Variants in MYO3B observed in about 807,000 individuals in gnomAD.
MYO3B encodes the protein myosin-IIIb.
Under a neutral mutation model 174.6 loss-of-function variants are expected in MYO3B, and 156 were observed. That is an observed-to-expected ratio of 0.89 (90% CI 0.78 to 1.02). MYO3B has a LOEUF of 1.02. MYO3B is among the 50% of genes least tolerant of loss of function. MYO3B has a pLI of 0.00. For synonymous variants in MYO3B, 563 were observed against 569.1 expected (o/e 0.99, Z 0.15); for missense variants, 1,632 against 1,639.4 (o/e 1.00, Z 0.08).
In MYO3B at chr2:170,391,535, T is replaced by C; in HGVS notation, c.1593T>C (p.Phe531=). 1 of 1,507,854 alleles carries C rather than the reference T, an allele frequency of 6.6e-7. No individual in the cohort carries two copies. The highest frequency in any genetic ancestry group is 2.4e-5 in the East Asian group (1 of 41,666). The allele number at this position is 1,507,854 out of a possible 1,614,324, so 93.4% of individuals were successfully genotyped here. ...VIKQAAREKN[F]HIFYYIYAGL... ...TTTTTTTCAGGAGAGAGAAAAATTT[T>C]CATATATTTTACTATATTTATGCTG... is the stretch of plus-strand genomic sequence containing the variant. The change falls in exon 15 of 35, where the codon TTT becomes TTC. Residue 531 remains phenylalanine (F), a synonymous_variant. Transcript: ENST00000408978.
At chr2:170,574,430 A>G (rs1268801155) in intron 32 of MYO3B, among the ~76,000 whole-genome samples, 2 of 152,198 alleles carry the variant, frequency 1.3e-5, no homozygotes, top group Admixed American at 6.5e-5. Flanking sequence ...TGAAAACACT[A>G]CTTTAAAGAG....
At chr2:170,486,927 T>C (rs1253984146) in intron 25 of MYO3B, among the ~76,000 whole-genome samples, 1 of 152,242 alleles carries the variant, frequency 6.6e-6, no homozygotes. Flanking sequence ...CCTTCTCCAC[T>C]TGATGGCAGT....
intron 7 of MYO3B, among the ~76,000 whole-genome samples, chr2:170,329,063 A>G (rs1163357415): frequency 6.6e-6 from 1 of 151,916 alleles, no homozygotes; most frequent in East Asian, 1.9e-4. Flanking sequence ...GAGACAGGAG[A>G]ATCACTTGAA....
At chr2:170,183,863 A>G (rs1467769449) in intron 1 of MYO3B, among the ~76,000 whole-genome samples, 1 of 147,878 alleles carries the variant, frequency 6.8e-6, no homozygotes, top group East Asian at 2.0e-4. Flanking sequence ...GAATTAACCC[A>G]TTTGAATTTT....
intron 7 of MYO3B, among the ~76,000 whole-genome samples, chr2:170,267,710 T>C (rs2093394903): frequency 6.6e-6 from 1 of 152,212 alleles, no homozygotes; most frequent in Non-Finnish European, 1.5e-5. Flanking sequence ...TTTCTTCCTC[T>C]TGATATCTGA....
At chr2:170,598,765 C>G (rs1438288532) in intron 32 of MYO3B, among the ~76,000 whole-genome samples, 1 of 152,144 alleles carries the variant, frequency 6.6e-6, no homozygotes, top group African/African-American at 2.4e-5. Flanking sequence ...TTAAGGGGTC[C>G]TGGGCTTCAG....
At chr2:170,365,264 G>A (rs930089242) in intron 8 of MYO3B, among the ~76,000 whole-genome samples, 1 of 152,180 alleles carries the variant, frequency 6.6e-6, no homozygotes. Flanking sequence ...TCTTAAAAGA[G>A]GGGCTAGAAT....
At chr2:170,525,106 C>T (rs1688920201) in intron 30 of MYO3B, among the ~76,000 whole-genome samples, 2 of 152,146 alleles carry the variant, frequency 1.3e-5, no homozygotes, top group African/African-American at 2.4e-5. Flanking sequence ...ATAACTGTCA[C>T]CCTGTGATTG....
intron 7 of MYO3B, among the ~76,000 whole-genome samples, chr2:170,245,237 TG>T (rs1046908838): frequency 1.3e-5 from 2 of 152,120 alleles, no homozygotes; most frequent in Non-Finnish European, 2.9e-5. Flanking sequence ...TTAAAGGCAA[TG>T]GGGGTCTCTA....
chr2:170,617,315 T>C (rs144009459), intron 32 of MYO3B, among the ~76,000 whole-genome samples: 180 of 152,310 alleles, frequency 1.2e-3, no homozygotes, highest in African/African-American at 4.2e-3. Context: ...GAGCCAAATA[T>C]CTTGTCTGGC....
chr2:170,561,040 T>A (rs1691677352), intron 32 of MYO3B, among the ~76,000 whole-genome samples: 1 of 152,200 alleles, frequency 6.6e-6, no homozygotes, highest in Non-Finnish European at 1.5e-5. Flanking sequence ...TCAACTTGGG[T>A]TGCCATTAAG....
intron 8 of MYO3B, chr2:170,344,684 G>A (rs574048709): frequency 2.0e-5 from 3 of 152,262 alleles, no homozygotes; most frequent in African/African-American, 7.2e-5. Context: ...CTACTTTATA[G>A]TGTGACTGAG....
At position 170,363,864 on chromosome 2, in the gene MYO3B, G is replaced by A. The variant is rs16858235; in HGVS notation, c.816-5358G>A. Among the ~76,000 whole-genome samples, 931 of 152,220 alleles carry A rather than the reference G, an allele frequency of 6.1e-3. 9 individuals carry two copies. Among genetic ancestry groups the A allele is most frequent in the African/African-American group, 0.02 (822 of 41,522 alleles). On this transcript the variant is annotated intron_variant, in intron 8 of 34. Transcript: ENST00000408978. ...TTCTGTTGTTTTGTCTGTTAGCACA[G>A]AGAAAGCATATCTAAATCCTAATTT... is the stretch of plus-strand genomic sequence containing the variant.
chr2:170,393,828 G>T (rs907013878), intron 16 of MYO3B, among the ~76,000 whole-genome samples: 18 of 152,114 alleles, frequency 1.2e-4, no homozygotes, highest in African/African-American at 4.3e-4. Context: ...AATCCCAAAG[G>T]TCAGATAAAA....
intron 7 of MYO3B, among the ~76,000 whole-genome samples, chr2:170,323,883 C>A (rs1317509963): frequency 6.6e-6 from 1 of 152,186 alleles, no homozygotes; most frequent in Non-Finnish European, 1.5e-5. Context: ...GGGTTCCTGA[C>A]TGGACCTAAA....
At chr2:170,490,529 AT>A (rs554826924) in intron 25 of MYO3B, among the ~76,000 whole-genome samples, 12,353 of 144,958 alleles carry the variant, frequency 0.085, 1,251 homozygotes, top group African/African-American at 0.26. Context: ...CATGGATGTT[AT>A]TTTTTTTTTT....
At chr2:170,419,630 G>A (rs925195252) in intron 22 of MYO3B, among the ~76,000 whole-genome samples, 7 of 152,158 alleles carry the variant, frequency 4.6e-5, no homozygotes, top group Non-Finnish European at 8.8e-5. Flanking sequence ...TAATTGTGGG[G>A]CATGTGGGGA....
chr2:170,446,798 G>A (rs2094845770), intron 23 of MYO3B, among the ~76,000 whole-genome samples: 1 of 152,104 alleles, frequency 6.6e-6, no homozygotes, highest in African/African-American at 2.4e-5. Flanking sequence ...CAAGAGAAAA[G>A]CCTACAAATT....
intron 32 of MYO3B, among the ~76,000 whole-genome samples, chr2:170,561,302 C>T (rs973606940): frequency 6.6e-6 from 1 of 152,196 alleles, no homozygotes; most frequent in African/African-American, 2.4e-5. Flanking sequence ...CTGTGAATAA[C>T]CACTGAATGA....
Sources: allele counts gnomAD v4.1 joint callset (sites outside exome capture counted in the v4.1 genomes callset), GRCh38; gene constraint gnomAD v4.1.1; transcripts MANE v1.5; gene names NCBI Gene and HGNC (gene_info 2026-07-23, HGNC 2026-07-21).